Variants in MYO10 observed in about 807,000 individuals in gnomAD.
The protein encoded by MYO10 is unconventional myosin-X.
Under a neutral mutation model 257.3 loss-of-function variants are expected in MYO10, and 133 were observed. The observed-to-expected ratio is 0.52, with a 90% CI of 0.45 to 0.60. The LOEUF (loss-of-function observed/expected upper bound fraction) is 0.60. Among genes scored for constraint, MYO10 ranks in the 20% least tolerant of loss-of-function variants. The pLI is 0.00. For synonymous variants in MYO10, 1,104 were observed against 1,028.6 expected, an observed-to-expected ratio of 1.07 and a Z score of -1.40; for missense variants, 2,399 against 2,635.7, an observed-to-expected ratio of 0.91 and a Z score of 1.97.
At chr5:16,796,155 C>T (rs1397358497) in intron 3 of MYO10, among the ~76,000 whole-genome samples, 1 of 142,006 alleles carries the variant, frequency 7.0e-6, no homozygotes, top group Non-Finnish European at 1.5e-5. Context: ...CGCCACTGCA[C>T]TCCAACCTGG....
At chr5:16,928,864 A>G (rs1010409984) in intron 1 of MYO10, among the ~76,000 whole-genome samples, 1 of 133,812 alleles carries the variant, frequency 7.5e-6, no homozygotes, top group Non-Finnish European at 1.7e-5. Context: ...CAACAACAAC[A>G]AAAACACACA....
intron 4 of MYO10, among the ~76,000 whole-genome samples, chr5:16,793,373 G>A (rs1741827988): frequency 6.6e-6 from 1 of 152,128 alleles, no homozygotes; most frequent in Non-Finnish European, 1.5e-5. Flanking sequence ...CACCCAGGCT[G>A]GAGTGCAGTG....
chr5:16,849,066 G>A (rs57804916), intron 2 of MYO10, among the ~76,000 whole-genome samples: 2,662 of 152,082 alleles, frequency 0.018, 85 homozygotes, highest in African/African-American at 0.06. Context: ...AGTGATCCTC[G>A]CCCGTCAGCC....
chr5:16,668,719 T>G (rs1025414124), intron 39 of MYO10, among the ~76,000 whole-genome samples: 3 of 152,192 alleles, frequency 2.0e-5, no homozygotes, highest in African/African-American at 7.2e-5. Flanking sequence ...TTGCTTTGAC[T>G]CTCCACTTCT....
In MYO10 at chr5:16,780,582, C is replaced by T. The variant is rs766680554; in HGVS notation, c.768G>A (p.Gly256=). 10 of 1,580,956 alleles carry T rather than the reference C, an allele frequency of 6.3e-6. No homozygotes were observed. In the Admixed American group the frequency reaches 9.1e-5, roughly 14 times the overall value. ...CATAAAATATGTGATAATTCCTTTC[C>T]CCGGGATTTTGCCTTACTACTCGGT... ...EKNRVVRQNP[G]ERNYHIFYAL... The change falls in exon 8 of 41, where the codon GGG becomes GGA. Residue 256 remains glycine, a synonymous_variant. Coordinates refer to ENST00000513610, the MANE Select transcript of MYO10 (RefSeq NM_012334.3).
intron 1 of MYO10, among the ~76,000 whole-genome samples, chr5:16,897,766 T>C (rs1189291847): frequency 6.6e-6 from 1 of 152,202 alleles, no homozygotes; most frequent in Non-Finnish European, 1.5e-5. Context: ...AGCGTGATTG[T>C]AGGGGGGCAG....
rs140916646 is a variant in MYO10 at position 16,885,958 on chromosome 5, C to T, written c.22-8251G>A. Among the ~76,000 whole-genome samples the T allele has an allele frequency of 9.3e-3, 1,418 of 152,242 alleles. 20 individuals are homozygous for T. The highest frequency in any genetic ancestry group is 0.032 in the African/African-American group (1,319 of 41,518). On this transcript the variant is annotated intron_variant, in intron 1 of 40. Transcript: ENST00000513610. ...ATAGCAGTCGGTGGCCTTCATAGGT[C>T]CTTGCCATAGAGTACTCAAACAGAG... is the stretch of plus-strand genomic sequence containing the variant.
At chr5:16,889,355 G>A (rs183655659) in intron 1 of MYO10, among the ~76,000 whole-genome samples, 18 of 151,758 alleles carry the variant, frequency 1.2e-4, no homozygotes, top group Admixed American at 6.6e-4. Context: ...GCGGTGAGCC[G>A]AGATCACGCC....
chr5:16,921,984 G>A (rs1466435938), intron 1 of MYO10, among the ~76,000 whole-genome samples: 5 of 152,162 alleles, frequency 3.3e-5, no homozygotes, highest in Non-Finnish European at 7.4e-5. Flanking sequence ...GGAGGCTGAG[G>A]CAGGTGGATC....
chr5:16,930,884 G>A (rs192241669), intron 1 of MYO10, among the ~76,000 whole-genome samples: 3 of 152,246 alleles, frequency 2.0e-5, no homozygotes, highest in South Asian at 4.1e-4. Flanking sequence ...AGACTTCACC[G>A]GAGGCTCATT....
In MYO10 at chr5:16,766,127, T is replaced by G; in HGVS notation, c.1132A>C (p.Met378Leu). 6.2e-7 allele frequency: 1 copy of G among 1,613,862 alleles called. No individual in the cohort carries two copies. The highest frequency in any genetic ancestry group is 8.5e-7 in the Non-Finnish European group (1 of 1,179,798). The change falls in exon 11 of 41, where the codon ATG (methionine) becomes CTG (leucine). Residue 378 changes from methionine (M) to leucine (L), a missense_variant. By Grantham distance (15) the Met-to-Leu change is conservative. Coordinates refer to ENST00000513610, the MANE Select transcript of MYO10 (RefSeq NM_012334.3). ...AGGATCTCTTCTCCCCTGAGGAACA[T>G]TGATCTCTGGGTCAAAGCATCTGTG... ...QLTDALTQRSMFLRGEEILTP... is the reference protein window; with the variant it reads ...QLTDALTQRSLFLRGEEILTP...
chr5:16,770,837 C>T (rs977126781), intron 9 of MYO10, among the ~76,000 whole-genome samples: 10 of 152,200 alleles, frequency 6.6e-5, no homozygotes, highest in Non-Finnish European at 1.0e-4. Context: ...GGCACGATCT[C>T]GGCTCACCGC....
At chr5:16,772,701 T>C (rs971421625) in intron 9 of MYO10, among the ~76,000 whole-genome samples, 1 of 152,144 alleles carries the variant, frequency 6.6e-6, no homozygotes. Context: ...CAACAAAAAA[T>C]GAGACAATCA....
chr5:16,873,121 T>A (rs1267044240), intron 2 of MYO10, among the ~76,000 whole-genome samples: 1 of 152,208 alleles, frequency 6.6e-6, no homozygotes, highest in Admixed American at 6.5e-5. Context: ...CTTCCACCTA[T>A]GAGCCTGTAA....
rs1412489139 is a variant in MYO10, at chr5:16,842,266, T to G, written c.121-24099A>C. On this transcript the variant is annotated intron_variant, in intron 2 of 40. Transcript: ENST00000513610. The stretch of plus-strand genomic sequence containing the variant: ...GCTAAAAGCTCCACTGTTTAAAATG[T>G]ACTGATTCCAGCCCACCACTGCACA... Among the ~76,000 whole-genome samples, 3 of 152,168 alleles carry G rather than the reference T, an allele frequency of 2.0e-5. No individual in the cohort carries two copies. In the East Asian group the frequency reaches 5.8e-4, roughly 29 times the overall value.
chr5:16,913,751 T>C (rs551340033), intron 1 of MYO10, among the ~76,000 whole-genome samples: 1 of 152,258 alleles, frequency 6.6e-6, no homozygotes, highest in Non-Finnish European at 1.5e-5. Context: ...GATACGTAAG[T>C]ATGAGCTGAA....
chr5:16,812,339 C>A (rs1451098235), intron 3 of MYO10, among the ~76,000 whole-genome samples: 1 of 152,204 alleles, frequency 6.6e-6, no homozygotes, highest in Non-Finnish European at 1.5e-5. Flanking sequence ...CCAGGCACTG[C>A]AGCTTAAACC....
intron 1 of MYO10, among the ~76,000 whole-genome samples, chr5:16,914,258 T>G (rs559216125): frequency 3.9e-4 from 60 of 152,320 alleles, no homozygotes; most frequent in African/African-American, 1.4e-3. Flanking sequence ...GAGCCAGCTC[T>G]GCCGATCCCA....
At chr5:16,822,853 A>C (rs958734928) in intron 2 of MYO10, among the ~76,000 whole-genome samples, 1 of 151,740 alleles carries the variant, frequency 6.6e-6, no homozygotes, top group African/African-American at 2.4e-5. Context: ...ACGCCCGGCT[A>C]ATTTTTTGTA....
Sources: allele counts gnomAD v4.1 joint callset (sites outside exome capture counted in the v4.1 genomes callset), GRCh38; gene constraint gnomAD v4.1.1; transcripts MANE v1.5; gene names NCBI Gene and HGNC (gene_info 2026-07-23, HGNC 2026-07-21).